Variants in PLB1 observed in about 807,000 individuals in gnomAD.
PLB1 encodes the protein phospholipase B1.
In PLB1, 242 loss-of-function variants were observed where a neutral mutation model predicts 227.4. The observed-to-expected ratio is 1.06, with a 90% CI of 0.96 to 1.18. The LOEUF (loss-of-function observed/expected upper bound fraction) is 1.18, where lower values mean the gene tolerates loss of function less well. PLB1 is among the 50% of genes most tolerant of loss of function. The pLI is 0.00. For missense variants in PLB1, 1,858 were observed against 1,816.3 expected (o/e 1.02, Z -0.42); for synonymous variants, 757 against 682.2 (o/e 1.11, Z -1.71).
intron 6 of PLB1, among the ~76,000 whole-genome samples, chr2:28,528,200 A>G (rs1670528436): frequency 6.6e-6 from 1 of 152,156 alleles, no homozygotes; most frequent in African/African-American, 2.4e-5. Flanking sequence ...GCACAGTGTC[A>G]GCCTCCTTCA....
chr2:28,582,374 C>T (rs1680175222), intron 24 of PLB1, 31 bp from the exon 25 acceptor site: 1 of 1,591,076 alleles, frequency 6.3e-7, no homozygotes, highest in South Asian at 1.1e-5. Context: ...CCAGCCTCAT[C>T]CTCTTGGTGA....
At chr2:28,525,390 T>C in intron 5 of PLB1, 83 bp downstream of exon 5, 1 of 1,468,464 alleles carries the variant, frequency 6.8e-7, no homozygotes, top group South Asian at 1.2e-5. Context: ...ATGGGAAAGA[T>C]TGGAGGCCAG....
At position 28,603,963 on chromosome 2, in the gene PLB1, C is replaced by T; in HGVS notation, c.2775-3C>T. On this transcript the variant is annotated splice_region_variant and splice_polypyrimidine_tract_variant and intron_variant, in intron 39 of 57. Transcript: ENST00000327757. ...GGCCTCCTGCCTCCCCCTCTTTGTG[C>T]AGCGTTTTGTGTAACTGCGTTCTGA... The T allele has an allele frequency of 6.2e-7, 1 of 1,614,016 alleles. No homozygotes were observed. Among genetic ancestry groups the T allele is most frequent in the South Asian group, 1.1e-5 (1 of 91,084 alleles).
intron 15 of PLB1, 99 bp downstream of exon 15, chr2:28,549,030 T>C (rs11680304): frequency 0.67 from 653,774 of 980,368 alleles, 223,309 homozygotes; most frequent in Non-Finnish European, 0.71. Flanking sequence ...ACCTGAGATG[T>C]GAATCCTGTT....
Position 28,614,014 on chromosome 2 carries a change from G to GT in PLB1, c.3130-8dup, listed in dbSNP as rs1553457689. 1.6e-3 allele frequency: 2,349 copies of GT among 1,511,048 alleles called. No individual in the cohort carries two copies. The highest frequency in any genetic ancestry group is 1.7e-3 in the South Asian group (149 of 86,102). 93.6% of individuals were successfully genotyped at this position (1,511,048 alleles called of 1,614,324 possible). ...GTGCTGTCAGATAACTTCTCCATGT[G>GT]TTTTTTTTTCTCTTAGAATGAGCCC... On this transcript the variant is annotated splice_polypyrimidine_tract_variant and intron_variant, in intron 43 of 57. Transcript: ENST00000327757.
Position 28,618,371 on chromosome 2 carries a change from TG to T in PLB1, c.3289del (p.Val1097TrpfsTer8). On this transcript the variant is annotated frameshift_variant, in exon 46 of 58. Transcript: ENST00000327757. LOFTEE classifies it high-confidence loss of function. ...VHQLRPADIK[V>X]VAALGDSLTT... ...CAGCTCCGACCAGCAGACATCAAAGTGGTGGCCGCCCTGGGTGACTCTCTGA... is the reference window on the plus strand; with the variant it reads ...CAGCTCCGACCAGCAGACATCAAAGTGTGGCCGCCCTGGGTGACTCTCTGA... 6.2e-7 allele frequency: 1 copy of T among 1,614,096 alleles called. No homozygotes were observed. Among genetic ancestry groups the T allele is most frequent in the Non-Finnish European group, 8.5e-7 (1 of 1,180,008 alleles).
chr2:28,592,760 G>A (rs1682189809), intron 32 of PLB1, 41 bp downstream of exon 32: 2 of 1,585,098 alleles, frequency 1.3e-6, no homozygotes, highest in East Asian at 4.5e-5. Flanking sequence ...GGATAACTAG[G>A]CCAGCTCCAG....
rs10656827 is a variant in PLB1 at position 28,532,317 on chromosome 2, C to CATGGATGGATGG, written c.555+142_555+153dup. 5 of 597,762 alleles carry CATGGATGGATGG rather than the reference C, an allele frequency of 8.4e-6. No homozygotes were observed. The African/African-American group carries it at 9.7e-5, about 12-fold the overall frequency. 37.0% of individuals were successfully genotyped at this position (597,762 alleles called of 1,614,324 possible). ...GGGGCTAATGCCACCTATTTTAGAA[C>CATGGATGGATGG]ATGGATGGATGGATGGATGGATGGA... On this transcript the variant is annotated intron_variant, in intron 9 of 57. Coordinates refer to ENST00000327757, the MANE Select transcript of PLB1 (RefSeq NM_153021.5).
chr2:28,539,005 C>T, intron 10 of PLB1, 94 bp from the exon 11 acceptor site: 1 of 988,644 alleles, frequency 1.0e-6, no homozygotes, highest in Admixed American at 1.7e-5. Context: ...CACACTCAAC[C>T]ACACCCCAAC....
At position 28,598,756 on chromosome 2, in the gene PLB1, G is replaced by C. The variant is rs755652530; in HGVS notation, c.2470G>C (p.Ala824Pro). Residue 824 changes from alanine to proline, a missense_variant, in exon 35 of 58, where the codon GCT becomes CCT. By Grantham distance (27) the Ala-to-Pro change is conservative. Coordinates refer to ENST00000327757, the MANE Select transcript of PLB1 (RefSeq NM_153021.5). ...CAATCAAGCTGTTCCCGGAGCAAAG[G>C]CTGAGTATGGCATTTGGGGAGGGAG... ...FLNQAVPGAK[A>P]EDLMSQVQTL... The C allele has an allele frequency of 1.9e-6, 3 of 1,612,234 alleles. No homozygotes were observed. Among genetic ancestry groups the C allele is most frequent in the Admixed American group, 3.3e-5 (2 of 60,030 alleles).
intron 17 of PLB1, among the ~76,000 whole-genome samples, chr2:28,555,212 G>A (rs142776977): frequency 0.012 from 1,599 of 134,924 alleles, 27 homozygotes; most frequent in African/African-American, 0.043. Context: ...CGTGATTTCC[G>A]CTTACTGCAA....
In PLB1 at chr2:28,625,901, C is replaced by G. The variant is rs375269861; in HGVS notation, c.3580-527C>G. On this transcript the variant is annotated intron_variant, in intron 50 of 57. Coordinates refer to ENST00000327757, the MANE Select transcript of PLB1 (RefSeq NM_153021.5). The stretch of plus-strand genomic sequence containing the variant: ...CTTGTGTAAGCAGAACCCCGTCCCC[C>G]GCCAGCGCCCACCGCCAAAAAAAAA... Among the ~76,000 whole-genome samples, 4 of 150,924 alleles carry G rather than the reference C, an allele frequency of 2.7e-5. No homozygotes were observed. In the East Asian group the frequency reaches 5.8e-4, roughly 22 times the overall value.
At chr2:28,504,279 A>T (rs1429524903) in intron 1 of PLB1, among the ~76,000 whole-genome samples, 1 of 152,196 alleles carries the variant, frequency 6.6e-6, no homozygotes, top group East Asian at 1.9e-4. Context: ...TAGCTTATTC[A>T]GTCTCCTTCA....
Position 28,630,656 on chromosome 2 carries a change from A to C in PLB1, c.3889A>C (p.Asn1297His), listed in dbSNP as rs542609560. The change falls in exon 54 of 58, where the codon AAC becomes CAC. Residue 1297 changes from asparagine (N) to histidine (H), a missense_variant. Asn to His is a moderately conservative substitution (Grantham distance 68). Coordinates refer to ENST00000327757, the MANE Select transcript of PLB1 (RefSeq NM_153021.5). ...GCAAGAACTGAAGAAAGTGAACTGG[A>C]ACCTCCAGGTAAGCCCTGCAGCCCT... Reference protein sequence around the residue: ...EKQELKKVNWNLQHGISSFSY... With the variant: ...EKQELKKVNWHLQHGISSFSY... The C allele has an allele frequency of 1.9e-6, 3 of 1,612,004 alleles. No homozygotes were observed. Among genetic ancestry groups the C allele is most frequent in the South Asian group, 2.2e-5 (2 of 90,434 alleles).
chr2:28,592,732 G>A lies in PLB1; in HGVS notation c.2247+13G>A, dbSNP rs748681182. 1 of 1,613,632 alleles carries A rather than the reference G, an allele frequency of 6.2e-7. No individual in the cohort carries two copies. The highest frequency in any genetic ancestry group is 1.1e-5 in the South Asian group (1 of 91,046). Reference sequence around the variant, plus strand: ...GGATTCTCTGACCGTAAGGACTCTTGGGCCCCAGGTGGTTTGGGGATAACT... The same window carrying A: ...GGATTCTCTGACCGTAAGGACTCTTAGGCCCCAGGTGGTTTGGGGATAACT... On this transcript the variant is annotated intron_variant, in intron 32 of 57. Coordinates refer to ENST00000327757, the MANE Select transcript of PLB1 (RefSeq NM_153021.5).
intron 4 of PLB1, among the ~76,000 whole-genome samples, chr2:28,521,790 T>G (rs963516821): frequency 6.6e-6 from 1 of 152,034 alleles, no homozygotes; most frequent in Non-Finnish European, 1.5e-5. Context: ...CAGCCCCAGC[T>G]GGATAGAACA....
chr2:28,598,048 A>G lies in PLB1; in HGVS notation c.2365A>G (p.Asn789Asp), dbSNP rs1346659327. The G allele has an allele frequency of 6.2e-7, 1 of 1,611,954 alleles. No individual in the cohort carries two copies. The highest frequency in any genetic ancestry group is 8.5e-7 in the Non-Finnish European group (1 of 1,178,562). The change falls in exon 34 of 58, where the codon AAT becomes GAT. Residue 789 changes from asparagine to aspartate, a missense_variant and splice_region_variant. By Grantham distance (23) the Asn-to-Asp change is conservative. Coordinates refer to ENST00000327757, the MANE Select transcript of PLB1 (RefSeq NM_153021.5). ...GSLENVTTLP[N>D]ILREFNRNLT... The stretch of plus-strand genomic sequence containing the variant: ...CCTGGAGAATGTGACCACCTTACCT[A>G]GTAAGTAACCATCAGGGGCTTGAAT...
intron 26 of PLB1, among the ~76,000 whole-genome samples, chr2:28,587,847 G>A (rs991165046): frequency 6.6e-6 from 1 of 152,166 alleles, no homozygotes; most frequent in Non-Finnish European, 1.5e-5. Flanking sequence ...ACAGTGGGAG[G>A]CAGGCTGCTC....
At chr2:28,596,406 A>G (rs976725135) in intron 33 of PLB1, among the ~76,000 whole-genome samples, 2 of 152,236 alleles carry the variant, frequency 1.3e-5, no homozygotes, top group Non-Finnish European at 2.9e-5. Context: ...AGAGATTTTC[A>G]TAGCCTGTTG....
Sources: gnomAD v4.1 joint callset for allele counts (sites outside exome capture counted in the v4.1 genomes callset) on GRCh38, gnomAD v4.1.1 for gene constraint, MANE v1.5 for transcripts, NCBI Gene and HGNC (gene_info 2026-07-23, HGNC 2026-07-21) for gene names.